Variants in SLC14A2 observed in about 807,000 individuals in gnomAD.
SLC14A2 encodes urea transporter 2.
In SLC14A2, 91 loss-of-function variants were observed where a neutral mutation model predicts 104.6. The observed-to-expected ratio is 0.87, with a 90% CI of 0.73 to 1.04. The LOEUF (loss-of-function observed/expected upper bound fraction) is 1.04. SLC14A2 is among the 50% of genes least tolerant of loss of function. The pLI is 0.00. For missense variants in SLC14A2, 1,189 were observed against 1,156.0 expected (o/e 1.03, Z -0.41); for synonymous variants, 476 against 466.4 (o/e 1.02, Z -0.27).
At chr18:45,286,362 C>T (rs949164942) in intron 1 of SLC14A2, among the ~76,000 whole-genome samples, 2 of 152,200 alleles carry the variant, frequency 1.3e-5, no homozygotes, top group African/African-American at 4.8e-5. Context: ...CTCAGTGCCA[C>T]TTTTTACGTC....
At chr18:45,213,656 A>G (rs1402630841) in intron 1 of SLC14A2, among the ~76,000 whole-genome samples, 1 of 152,210 alleles carries the variant, frequency 6.6e-6, no homozygotes, top group East Asian at 1.9e-4. Context: ...GTGAGGAGTA[A>G]ATGTACTGGT....
At chr18:45,262,985 A>C (rs1291770718) in intron 1 of SLC14A2, among the ~76,000 whole-genome samples, 6 of 152,214 alleles carry the variant, frequency 3.9e-5, no homozygotes, top group Non-Finnish European at 2.9e-5. Flanking sequence ...ACATAACACA[A>C]ATATCAAAAC....
At chr18:45,426,732 C>CAT (rs1162321079) in intron 1 of SLC14A2, among the ~76,000 whole-genome samples, 1 of 142,706 alleles carries the variant, frequency 7.0e-6, no homozygotes, top group African/African-American at 2.5e-5. Flanking sequence ...CACACACACA[C>CAT]ATACATACAC....
At position 45,320,622 on chromosome 18, in the gene SLC14A2, G is replaced by A. The variant is rs866012909; in HGVS notation, c.-125+107431G>A. ...GTTTTTTGAGCCTGGCAGGAGTGGT[G>A]AGAGTGTCAAGTCTGAGATGGTCTG... is the stretch of plus-strand genomic sequence containing the variant. On this transcript the variant is annotated intron_variant, in intron 1 of 20. Coordinates refer to the SLC14A2 transcript ENST00000586448. 3.9e-5 allele frequency among the ~76,000 whole-genome samples: 6 copies of A among 152,330 alleles called. 1 individual carries two copies. The Middle Eastern group carries it at 0.017, about 432-fold the overall frequency.
chr18:45,588,974 TGG>T lies in SLC14A2; in HGVS notation c.-34-35649_-34-35648del, dbSNP rs34969613. 1.3e-3 allele frequency among the ~76,000 whole-genome samples: 190 copies of T among 148,146 alleles called. 3 individuals carry two copies. Among genetic ancestry groups the T allele is most frequent in the African/African-American group, 4.6e-3 (183 of 39,950 alleles). ...TCTTTTTTTGTTTGGGGTTGGTGGG[TGG>T]GGGGGGGTGTTAAATGTGAAGTTTG... On this transcript the variant is annotated intron_variant, in intron 2 of 20. Transcript: ENST00000586448.
At chr18:45,226,001 T>A (rs1383039376) in intron 1 of SLC14A2, among the ~76,000 whole-genome samples, 1 of 152,120 alleles carries the variant, frequency 6.6e-6, no homozygotes, top group Non-Finnish European at 1.5e-5. Flanking sequence ...CATCAAAAAG[T>A]GGGCAAAGGA....
At chr18:45,169,260 T>C in the SLC14A2 span, 1 of 152,244 alleles carries the variant, frequency 6.6e-6, no homozygotes, top group African/African-American at 2.4e-5. Flanking sequence ...ATATGAAGTA[T>C]AATTTTTGCT....
chr18:45,680,798 T>G (rs1229543099), intron 19 of SLC14A2, among the ~76,000 whole-genome samples: 1 of 152,260 alleles, frequency 6.6e-6, no homozygotes, highest in Non-Finnish European at 1.5e-5. Context: ...GATTCGGTTC[T>G]TGGACTGTGG....
intron 2 of SLC14A2, among the ~76,000 whole-genome samples, chr18:45,486,209 C>T (rs2144713569): frequency 6.6e-6 from 1 of 152,288 alleles, no homozygotes; most frequent in East Asian, 1.9e-4. Context: ...TAGATACCCA[C>T]TGGGAGGGCA....
At chr18:45,265,998 G>A (rs934350724) in intron 1 of SLC14A2, among the ~76,000 whole-genome samples, 5 of 152,120 alleles carry the variant, frequency 3.3e-5, no homozygotes, top group African/African-American at 4.8e-5. Context: ...TAAAGTTGAT[G>A]CATAAAATTG....
At chr18:45,200,771 A>G in the SLC14A2 span, among the ~76,000 whole-genome samples, 1 of 152,178 alleles carries the variant, frequency 6.6e-6, no homozygotes, top group African/African-American at 2.4e-5. Context: ...AGAAACTTTT[A>G]AAGAATAGTT....
intron 1 of SLC14A2, among the ~76,000 whole-genome samples, chr18:45,307,452 CCAA>C (rs1191936929): frequency 7.0e-6 from 1 of 142,392 alleles, no homozygotes; most frequent in Non-Finnish European, 1.5e-5. Context: ...AACCAAAAAA[CCAA>C]CAACAACAAA....
At chr18:45,185,580 G>A in the SLC14A2 span, among the ~76,000 whole-genome samples, 1 of 152,088 alleles carries the variant, frequency 6.6e-6, no homozygotes, top group African/African-American at 2.4e-5. Flanking sequence ...TCTAAAGTTA[G>A]GAAGAAGACA....
intron 2 of SLC14A2, among the ~76,000 whole-genome samples, chr18:45,557,640 T>A (rs2044149995): frequency 6.6e-6 from 1 of 152,184 alleles, no homozygotes. Flanking sequence ...AGTTTTTCCC[T>A]TCCTAAGACA....
chr18:45,292,471 G>A (rs2084879365), intron 1 of SLC14A2, among the ~76,000 whole-genome samples: 1 of 152,108 alleles, frequency 6.6e-6, no homozygotes, highest in South Asian at 2.1e-4. Flanking sequence ...TAACACTCCG[G>A]GAATATTTCA....
chr18:45,250,755 C>CT (rs67864793), intron 1 of SLC14A2, among the ~76,000 whole-genome samples: 11,402 of 93,786 alleles, frequency 0.12, 748 homozygotes, highest in East Asian at 0.19. Flanking sequence ...TGGCTTCTTC[C>CT]TTTTTTTTTT....
Position 45,644,000 on chromosome 18 carries a change from A to G in SLC14A2, c.1191A>G (p.Pro397=). 1 of 1,614,014 alleles carries G rather than the reference A, an allele frequency of 6.2e-7. No individual in the cohort carries two copies. Among genetic ancestry groups the G allele is most frequent in the Non-Finnish European group, 8.5e-7 (1 of 1,179,892 alleles). ...SNIMSVVGVP[P]GTWAFCLATI... Reference sequence around the variant, plus strand: ...TTTGTTTCCAGGTGGGCGTGCCACCAGGCACCTGGGCCTTCTGCCTTGCCA... The same window carrying G: ...TTTGTTTCCAGGTGGGCGTGCCACCGGGCACCTGGGCCTTCTGCCTTGCCA... Residue 397 remains proline (P), a synonymous_variant, in exon 10 of 20, where the codon CCA becomes CCG. Coordinates refer to ENST00000255226, the MANE Select transcript of SLC14A2 (RefSeq NM_007163.4).
intron 1 of SLC14A2, among the ~76,000 whole-genome samples, chr18:45,273,145 C>G (rs928067683): frequency 1.3e-5 from 2 of 152,088 alleles, no homozygotes; most frequent in African/African-American, 4.8e-5. Context: ...GGTTTTTGCT[C>G]TATTACTCGA....
intron 2 of SLC14A2, among the ~76,000 whole-genome samples, chr18:45,502,580 G>A (rs1334975501): frequency 6.6e-6 from 1 of 152,318 alleles, no homozygotes; most frequent in East Asian, 1.9e-4. Flanking sequence ...TGAGATGCTA[G>A]AGTGATCAAG....
Sources: gnomAD v4.1 joint callset for allele counts (sites outside exome capture counted in the v4.1 genomes callset) on GRCh38, gnomAD v4.1.1 for gene constraint, MANE v1.5 for transcripts, NCBI Gene and HGNC (gene_info 2026-07-23, HGNC 2026-07-21) for gene names.